CNTN5: variants seen among roughly 807,000 people sequenced by gnomAD.
CNTN5 encodes contactin-5.
A neutral mutation model predicts 129.1 loss-of-function variants in CNTN5; 77 were observed. The observed-to-expected ratio is 0.60, with a 90% CI of 0.50 to 0.72. CNTN5 has a LOEUF of 0.72. Among genes scored for constraint, CNTN5 ranks in the 30% least tolerant of loss-of-function variants. The pLI is 0.00. For synonymous variants in CNTN5, 509 were observed against 465.6 expected (o/e 1.09, Z -1.20); for missense variants, 1,478 against 1,328.8 (o/e 1.11, Z -1.75).
chr11:99,647,257 T>C (rs1726747680), intron 3 of CNTN5, among the ~76,000 whole-genome samples: 1 of 152,100 alleles, frequency 6.6e-6, no homozygotes, highest in Admixed American at 6.6e-5. Context: ...CTTCTTCATT[T>C]GGATATCCAA....
At chr11:99,207,343 A>G (rs1365038336) in intron 1 of CNTN5, among the ~76,000 whole-genome samples, 1 of 152,154 alleles carries the variant, frequency 6.6e-6, no homozygotes, top group Non-Finnish European at 1.5e-5. Context: ...AATCAGGTGA[A>G]TTAATCCTCA....
At chr11:99,129,608 G>C (rs1463728562) in intron 1 of CNTN5, among the ~76,000 whole-genome samples, 3 of 151,992 alleles carry the variant, frequency 2.0e-5, no homozygotes, top group Non-Finnish European at 4.4e-5. Flanking sequence ...AGAAAATCCA[G>C]AGAAACCCAG....
intron 3 of CNTN5, among the ~76,000 whole-genome samples, chr11:99,653,039 CAAAG>C (rs1952218006): frequency 1.3e-5 from 2 of 151,762 alleles, no homozygotes; most frequent in South Asian, 2.1e-4. Flanking sequence ...TGAGGAAAGA[CAAAG>C]AAAAAACAAT....
chr11:99,667,722 A>T (rs146703405), intron 3 of CNTN5, among the ~76,000 whole-genome samples: 1 of 152,096 alleles, frequency 6.6e-6, no homozygotes, highest in Admixed American at 6.6e-5. Context: ...ACATGTTCTC[A>T]CTCATAAGTG....
chr11:99,775,304 A>G (rs746758235), intron 3 of CNTN5, among the ~76,000 whole-genome samples: 28 of 151,872 alleles, frequency 1.8e-4, no homozygotes, highest in Non-Finnish European at 3.7e-4. Flanking sequence ...GTTCCTTAAC[A>G]ATGAAAAATA....
chr11:99,134,771 C>T (rs537505045), intron 1 of CNTN5, among the ~76,000 whole-genome samples: 8 of 152,062 alleles, frequency 5.3e-5, no homozygotes, highest in East Asian at 1.9e-4. Context: ...TGTATGAAAA[C>T]GCTATATTGT....
chr11:99,031,527 A>T (rs954433751), intron 1 of CNTN5, among the ~76,000 whole-genome samples: 2 of 152,046 alleles, frequency 1.3e-5, no homozygotes, highest in Non-Finnish European at 2.9e-5. Flanking sequence ...GAGGAAAAAA[A>T]GGTGAAGAAA....
intron 18 of CNTN5, among the ~76,000 whole-genome samples, chr11:100,284,032 C>T (rs1219679697): frequency 6.6e-6 from 1 of 152,188 alleles, no homozygotes; most frequent in Non-Finnish European, 1.5e-5. Flanking sequence ...TTGCTTTCTT[C>T]TATAACCAAG....
chr11:99,343,117 A>C (rs1241217885), intron 2 of CNTN5, among the ~76,000 whole-genome samples: 1 of 152,188 alleles, frequency 6.6e-6, no homozygotes, highest in Non-Finnish European at 1.5e-5. Flanking sequence ...CCTCATCTGG[A>C]AGAGAGGCAA....
chr11:100,219,468 A>T (rs1055885698), intron 15 of CNTN5, among the ~76,000 whole-genome samples: 1 of 152,208 alleles, frequency 6.6e-6, no homozygotes, highest in Non-Finnish European at 1.5e-5. Context: ...TGGAAGCACT[A>T]GATTAATACA....
At chr11:99,032,637 G>T (rs1447514752) in intron 1 of CNTN5, among the ~76,000 whole-genome samples, 1 of 151,996 alleles carries the variant, frequency 6.6e-6, no homozygotes. Flanking sequence ...TTGTAAATCT[G>T]TTTGAGTTCA....
chr11:100,271,558 C>T (rs1408969920), intron 18 of CNTN5, among the ~76,000 whole-genome samples: 1 of 151,346 alleles, frequency 6.6e-6, no homozygotes, highest in Non-Finnish European at 1.5e-5. Context: ...ATATAGCATA[C>T]ACTTAAGATT....
chr11:99,050,792 A>G, intron 1 of CNTN5, among the ~76,000 whole-genome samples: 1 of 151,864 alleles, frequency 6.6e-6, no homozygotes, highest in East Asian at 1.9e-4. Context: ...GAAAAATTGA[A>G]TATATGTTTT....
At chr11:100,130,895 C>T (rs1266407529) in intron 13 of CNTN5, among the ~76,000 whole-genome samples, 1 of 151,964 alleles carries the variant, frequency 6.6e-6, no homozygotes, top group Non-Finnish European at 1.5e-5. Flanking sequence ...TGGAGGTAAG[C>T]TATATTCCAT....
At chr11:99,684,943 G>A (rs1228536826) in intron 3 of CNTN5, among the ~76,000 whole-genome samples, 1 of 151,358 alleles carries the variant, frequency 6.6e-6, no homozygotes, top group Non-Finnish European at 1.5e-5. Context: ...GATTTCAATA[G>A]TATTAATGTC....
At chr11:99,442,920 C>G (rs1029459551) in intron 2 of CNTN5, among the ~76,000 whole-genome samples, 1 of 152,162 alleles carries the variant, frequency 6.6e-6, no homozygotes, top group African/African-American at 2.4e-5. Flanking sequence ...GTGGATGGCA[C>G]TGTGATTGGC....
intron 2 of CNTN5, among the ~76,000 whole-genome samples, chr11:99,501,239 G>A (rs973577972): frequency 1.3e-5 from 2 of 152,068 alleles, no homozygotes; most frequent in Non-Finnish European, 2.9e-5. Flanking sequence ...ATTATAATTG[G>A]GACGCTCAGT....
At chr11:99,694,380 T>A (rs1222580728) in intron 3 of CNTN5, among the ~76,000 whole-genome samples, 1 of 152,112 alleles carries the variant, frequency 6.6e-6, no homozygotes, top group Non-Finnish European at 1.5e-5. Context: ...GTGTGTGTAG[T>A]ACACAAAGGC....
intron 1 of CNTN5, among the ~76,000 whole-genome samples, chr11:99,130,142 T>C (rs1858857785): frequency 3.7e-5 from 1 of 27,268 alleles, no homozygotes; most frequent in African/African-American, 2.2e-4. Flanking sequence ...ATGGGCTAAA[T>C]GCCCCAATTA....
Sources: allele counts gnomAD v4.1 joint callset (sites outside exome capture counted in the v4.1 genomes callset), GRCh38; gene constraint gnomAD v4.1.1; transcripts MANE v1.5; gene names NCBI Gene and HGNC (gene_info 2026-07-23, HGNC 2026-07-21).